FAT2: variants seen among roughly 807,000 people sequenced by gnomAD.
FAT2 encodes protocadherin Fat 2.
FAT2 carries 150 observed loss-of-function variants against 295.3 expected under a neutral mutation model. That is an observed-to-expected ratio of 0.51 (90% CI 0.44 to 0.58). The LOEUF is 0.58. Among genes scored for constraint, FAT2 ranks in the 20% least tolerant of loss-of-function variants. The pLI, the probability that FAT2 is intolerant of heterozygous loss-of-function variation, is 0.00. For synonymous variants in FAT2, 2,026 were observed against 2,150.3 expected (o/e 0.94, Z 1.60); for missense variants, 4,868 against 5,442.7 (o/e 0.89, Z 3.32).
chr5:151,592,157 C>T (rs1452838294), upstream of FAT2, among the ~76,000 whole-genome samples: 1 of 152,158 alleles, frequency 6.6e-6, no homozygotes, highest in African/African-American at 2.4e-5. Context: ...GTTCTGGCTC[C>T]CCATATAATT....
chr5:151,578,541 A>G (rs182249198), intron 1 of FAT2, among the ~76,000 whole-genome samples: 1 of 152,380 alleles, frequency 6.6e-6, no homozygotes, highest in Non-Finnish European at 1.5e-5. Flanking sequence ...TAGTACAGCC[A>G]TTACGGAAAA....
chr5:151,547,970 A>G (rs74918793), intron 9 of FAT2, among the ~76,000 whole-genome samples: 1,603 of 152,346 alleles, frequency 0.011, 13 homozygotes, highest in Non-Finnish European at 0.015. Context: ...AGAATATTTT[A>G]AAACTAATCT....
intron 19 of FAT2, among the ~76,000 whole-genome samples, chr5:151,518,348 CTAATAA>C (rs3056491): frequency 3.0e-5 from 3 of 101,486 alleles, no homozygotes; most frequent in Admixed American, 1.1e-4. Context: ...GACCATGTCT[CTAATAA>C]TAATAATAAT....
intron 1 of FAT2, among the ~76,000 whole-genome samples, chr5:151,569,403 C>A (rs866219865): frequency 6.6e-6 from 1 of 152,104 alleles, no homozygotes; most frequent in Non-Finnish European, 1.5e-5. Context: ...TTCACTATCA[C>A]GAGAACAGCA....
intron 13 of FAT2, among the ~76,000 whole-genome samples, chr5:151,532,539 C>T (rs1056000718): frequency 1.3e-5 from 2 of 152,180 alleles, no homozygotes; most frequent in Non-Finnish European, 2.9e-5. Flanking sequence ...GTAAGATGCT[C>T]CCATTAGGGA....
Position 151,507,366 on chromosome 5 carries a change from T to G in FAT2, c.12305A>C (p.Glu4102Ala). The G allele has an allele frequency of 6.2e-7, 1 of 1,614,206 alleles. No homozygotes were observed. The highest frequency in any genetic ancestry group is 2.2e-5 in the East Asian group (1 of 44,888). Residue 4102 changes from glutamate to alanine, a missense_variant, in exon 23 of 24, where the codon GAG becomes GCG. By Grantham distance (107) the Glu-to-Ala change is moderately radical (BLOSUM62 -1). This residue lies in a region of FAT2 where 492 missense variants were observed against 482.6 expected (regional missense o/e 1.02). Transcript: ENST00000261800. ...GGAGCTGGCACTCAATGGGTTGAGCTCGATGGCAGGCATGGCTTGGGTGTC... is the reference window on the plus strand; with the variant it reads ...GGAGCTGGCACTCAATGGGTTGAGCGCGATGGCAGGCATGGCTTGGGTGTC... ...GVDTQAMPAI[E>A]LNPLSASSCN...
intron 1 of FAT2, among the ~76,000 whole-genome samples, chr5:151,577,480 C>T (rs1279773914): frequency 6.6e-6 from 1 of 152,044 alleles, no homozygotes; most frequent in Admixed American, 6.6e-5. Context: ...AGACAATAAA[C>T]AAGAAAATAT....
At chr5:151,550,985 A>G in intron 7 of FAT2, 114 bp from the exon 8 acceptor site, 3 of 833,630 alleles carry the variant, frequency 3.6e-6, no homozygotes, top group Non-Finnish European at 1.9e-6. Context: ...GCACTCAGCA[A>G]TCACTTGATA....
rs779650327 is a variant in FAT2 at position 151,543,254 on chromosome 5, T to C, written c.7873A>G (p.Asn2625Asp). Residue 2625 changes from asparagine to aspartate, a missense_variant, in exon 10 of 24, where the codon AAC (asparagine) becomes GAC (aspartate). By Grantham distance (23) the Asn-to-Asp change is conservative (BLOSUM62 1). Around this residue, in one of 5 missense-constraint regions of FAT2, gnomAD observed 3,297 missense variants for 3,669.4 expected, o/e 0.90. Coordinates refer to ENST00000261800, the MANE Select transcript of FAT2 (RefSeq NM_001447.3). ...ACATCTTTAACTAGGTCCTCTGGGT[T>C]CACTGAGTAGGTGACATCTGCGTTC... ...GQNADVTYSV[N>D]PEDLVKDVIE... The C allele has an allele frequency of 3.7e-6, 6 of 1,614,214 alleles. No individual in the cohort carries two copies. The highest frequency in any genetic ancestry group is 5.1e-6 in the Non-Finnish European group (6 of 1,180,046).
chr5:151,562,065 A>G (rs28449749), intron 3 of FAT2, among the ~76,000 whole-genome samples: 72,808 of 151,904 alleles, frequency 0.48, 17,689 homozygotes, highest in Non-Finnish European at 0.53. Flanking sequence ...TCCAGGAGAA[A>G]AGCATCCTCC....
intron 12 of FAT2, among the ~76,000 whole-genome samples, chr5:151,537,274 T>G (rs1581371063): frequency 7.4e-6 from 1 of 134,332 alleles, no homozygotes; most frequent in African/African-American, 2.9e-5. Flanking sequence ...ACGATGGTGG[T>G]GGTGGAGGAG....
chr5:151,545,186 A>C lies in FAT2; in HGVS notation c.5941T>G (p.Leu1981Val). The change falls in exon 10 of 24, where the codon TTG becomes GTG. Residue 1981 changes from leucine (L) to valine (V), a missense_variant. Transcript: ENST00000261800. ...ATCACCAGTGCCTTTCTGTCCTGCA[A>C]GTTCTCCTTCACAGCTGCCCAGTAG... ...DVYWAAVKEN[L>V]QDRKALVILG... 1 of 1,614,202 alleles carries C rather than the reference A, an allele frequency of 6.2e-7. No homozygotes were observed. Among genetic ancestry groups the C allele is most frequent in the Non-Finnish European group, 8.5e-7 (1 of 1,180,038 alleles).
Position 151,543,760 on chromosome 5 carries a change from G to A in FAT2, c.7367C>T (p.Ala2456Val). The change falls in exon 10 of 24, where the codon GCT (alanine) becomes GTT (valine). Residue 2456 changes from alanine (A) to valine (V), a missense_variant. Ala to Val is a moderately conservative substitution (Grantham distance 64). Transcript: ENST00000261800. ...AGTTGCTCGGAAGACTCCATCAGAAGCACCTACCCTCAAATTGTAAGAAGA... is the reference window on the plus strand; with the variant it reads ...AGTTGCTCGGAAGACTCCATCAGAAACACCTACCCTCAAATTGTAAGAAGA... The part of the protein sequence containing the change: ...LDSSYNLRVG[A>V]SDGVFRATVP... 2.5e-6 allele frequency: 4 copies of A among 1,614,190 alleles called. No individual in the cohort carries two copies. The highest frequency in any genetic ancestry group is 3.4e-6 in the Non-Finnish European group (4 of 1,180,034).
intron 9 of FAT2, 51 bp downstream of exon 9, chr5:151,549,244 A>G (rs1309292341): frequency 4.5e-6 from 7 of 1,557,642 alleles, no homozygotes; most frequent in Admixed American, 3.5e-5. Context: ...GCTTTCCTTT[A>G]TTTCTAAAGC....
chr5:151,512,915 G>A lies in FAT2; in HGVS notation c.11464-309C>T. 2.6e-6 allele frequency: 1 copy of A among 385,766 alleles called. No individual in the cohort carries two copies. Among genetic ancestry groups the A allele is most frequent in the Non-Finnish European group, 4.8e-6 (1 of 210,356 alleles). 23.9% of individuals were successfully genotyped at this position (385,766 alleles called of 1,614,324 possible). Reference sequence around the variant, plus strand: ...CCTGTATTTTGGATGCTTCTTCACAGGCCTGTCCAGAGTTCCACACTTGTG... The same window carrying A: ...CCTGTATTTTGGATGCTTCTTCACAAGCCTGTCCAGAGTTCCACACTTGTG... On this transcript the variant is annotated intron_variant, in intron 20 of 23. Coordinates refer to ENST00000261800, the MANE Select transcript of FAT2 (RefSeq NM_001447.3). This position sits in a 1 kb window ranked among gnomAD's most constrained non-coding sequence, Gnocchi z 4.1.
At chr5:151,514,837 C>T (rs1275707274) in intron 20 of FAT2, among the ~76,000 whole-genome samples, 5 of 152,222 alleles carry the variant, frequency 3.3e-5, no homozygotes, top group African/African-American at 1.2e-4. Flanking sequence ...ACCTCCTCAC[C>T]TCCTCAAGGG....
intron 1 of FAT2, among the ~76,000 whole-genome samples, chr5:151,576,668 T>C (rs1758759357): frequency 6.6e-6 from 1 of 152,192 alleles, no homozygotes; most frequent in African/African-American, 2.4e-5. Flanking sequence ...TTCTGAGAAA[T>C]GTGTCATTAT....
chr5:151,566,699 C>T lies in FAT2; in HGVS notation c.2233G>A (p.Gly745Ser). Residue 745 changes from glycine to serine, a missense_variant, in exon 2 of 24, where the codon GGT becomes AGT. Gly to Ser is a moderately conservative substitution (Grantham distance 56, BLOSUM62 0). Coordinates refer to ENST00000261800, the MANE Select transcript of FAT2 (RefSeq NM_001447.3). ...ARLAATDPDA[G>S]FNGKLVYVIA... The stretch of plus-strand genomic sequence containing the variant: ...ACATAGACCAGTTTGCCATTAAAAC[C>T]AGCATCAGGGTCAGTGGCTGCTAGG... The T allele has an allele frequency of 6.2e-7, 1 of 1,614,144 alleles. No homozygotes were observed. The highest frequency in any genetic ancestry group is 8.5e-7 in the Non-Finnish European group (1 of 1,180,026).
At position 151,534,608 on chromosome 5, in the gene FAT2, T is replaced by G. The variant is rs1347784033; in HGVS notation, c.9228A>C (p.Glu3076Asp). The G allele has an allele frequency of 6.2e-7, 1 of 1,613,882 alleles. No homozygotes were observed. The highest frequency in any genetic ancestry group is 1.1e-5 in the South Asian group (1 of 91,062). Residue 3076 changes from glutamate (E) to aspartate (D), a missense_variant, in exon 13 of 24, where the codon GAA becomes GAC. Physicochemically the swap from Glu to Asp is conservative, Grantham distance 45 (BLOSUM62 2). Transcript: ENST00000261800. ...CAACAAGGTTGAACACATCCTTCCT[T>G]TCTCGGTCTAGGGCAGTGAGTGTGG... ...ELTTLTALDR[E>D]RKDVFNLVAK...
Sources: gnomAD v4.1 joint callset for allele counts (sites outside exome capture counted in the v4.1 genomes callset) on GRCh38, gnomAD v4.1.1 for gene constraint, gnomAD v4.1.1 regional missense constraint, Gnocchi (gnomAD v3.1) non-coding constraint, MANE v1.5 for transcripts, NCBI Gene and HGNC (gene_info 2026-07-23, HGNC 2026-07-21) for gene names.